PGCKA1: variants seen among roughly 807,000 people sequenced by gnomAD.
PGCKA1 encodes the protein PDCD10 and GCKIII kinases-associated protein 1.
At chr4:37,592,536 C>T in the PGCKA1 span, among the ~76,000 whole-genome samples, 4 of 152,178 alleles carry the variant, frequency 2.6e-5, no homozygotes, top group Admixed American at 2.6e-4. Context: ...TTCACTGAAA[C>T]AAGGACAACC....
At chr4:37,495,217 A>T in the PGCKA1 span, among the ~76,000 whole-genome samples, 1 of 152,014 alleles carries the variant, frequency 6.6e-6, no homozygotes, top group Non-Finnish European at 1.5e-5. Context: ...GATCATTCTT[A>T]AAAAGTCAGG....
At chr4:37,460,140 T>G in the PGCKA1 span, among the ~76,000 whole-genome samples, 6 of 152,326 alleles carry the variant, frequency 3.9e-5, no homozygotes, top group Non-Finnish European at 7.3e-5. Context: ...TCCAGCATTA[T>G]CCATGTCCCT....
chr4:37,581,574 G>A, the PGCKA1 span, among the ~76,000 whole-genome samples: 1 of 151,844 alleles, frequency 6.6e-6, no homozygotes, highest in South Asian at 2.1e-4. This position sits in a 1 kb window ranked among gnomAD's most constrained non-coding sequence, Gnocchi z 4.4. Flanking sequence ...TCATGACTCT[G>A]CCTGGTGCCC....
the PGCKA1 span, chr4:37,590,442 T>G: frequency 6.2e-7 from 1 of 1,610,988 alleles, no homozygotes. Context: ...CTGCAAATAC[T>G]GTTCCCCCAA....
chr4:37,580,750 A>ACTAG, the PGCKA1 span, among the ~76,000 whole-genome samples: 2 of 152,164 alleles, frequency 1.3e-5, no homozygotes. Context: ...CTCTGTAACC[A>ACTAG]CTAGCTAGCT....
chr4:37,455,249 G>A, the PGCKA1 span, among the ~76,000 whole-genome samples: 1 of 152,196 alleles, frequency 6.6e-6, no homozygotes, highest in Non-Finnish European at 1.5e-5. Flanking sequence ...GGATAAGACA[G>A]ATGTTAAAGA....
At chr4:37,549,812 C>T in the PGCKA1 span, among the ~76,000 whole-genome samples, 2 of 152,002 alleles carry the variant, frequency 1.3e-5, no homozygotes, top group Non-Finnish European at 2.9e-5. Context: ...GGAGCAGCTT[C>T]GCCAACCCCT....
the PGCKA1 span, among the ~76,000 whole-genome samples, chr4:37,540,247 T>C: frequency 6.6e-6 from 1 of 152,220 alleles, no homozygotes; most frequent in Admixed American, 6.5e-5. Context: ...AGTGTATAAA[T>C]CACATTATGT....
the PGCKA1 span, among the ~76,000 whole-genome samples, chr4:37,587,034 C>T: frequency 6.6e-6 from 1 of 151,938 alleles, no homozygotes; most frequent in Admixed American, 6.5e-5. Flanking sequence ...CAAGGTGTCA[C>T]CGGGGCCACA....
chr4:37,593,309 G>A, the PGCKA1 span, among the ~76,000 whole-genome samples: 1 of 152,102 alleles, frequency 6.6e-6, no homozygotes, highest in Non-Finnish European at 1.5e-5. Context: ...CAGGGTGGTA[G>A]AGAATGTATC....
chr4:37,590,872 C>T, the PGCKA1 span: 1 of 1,614,168 alleles, frequency 6.2e-7, no homozygotes, highest in Non-Finnish European at 8.5e-7. Context: ...AGGAAACAGG[C>T]AGGAGGATAC....
the PGCKA1 span, among the ~76,000 whole-genome samples, chr4:37,549,489 A>G: frequency 6.6e-6 from 1 of 152,248 alleles, no homozygotes; most frequent in African/African-American, 2.4e-5. Flanking sequence ...CCCTGTTAGC[A>G]CAAGAAGCAG....
chr4:37,482,977 G>T, the PGCKA1 span, among the ~76,000 whole-genome samples: 2 of 152,142 alleles, frequency 1.3e-5, no homozygotes, highest in Non-Finnish European at 2.9e-5. Flanking sequence ...GGGGAAGAAT[G>T]ATATGGTTTG....
chr4:37,509,967 GGGAGACC>G, the PGCKA1 span, among the ~76,000 whole-genome samples: 3 of 134,244 alleles, frequency 2.2e-5, no homozygotes, highest in Non-Finnish European at 5.2e-5. Flanking sequence ...GAGAGGGAGC[GGGAGACC>G]GTGGGAGAGG....
chr4:37,502,865 C>A, the PGCKA1 span, among the ~76,000 whole-genome samples: 1 of 152,004 alleles, frequency 6.6e-6, no homozygotes, highest in East Asian at 1.9e-4. Context: ...GTATTGCAAG[C>A]AGTTATGGCC....
the PGCKA1 span, among the ~76,000 whole-genome samples, chr4:37,487,654 C>G: frequency 6.6e-6 from 1 of 152,236 alleles, no homozygotes; most frequent in South Asian, 2.1e-4. Flanking sequence ...ATCCTTGTCC[C>G]CAGCCCCATG....
chr4:37,513,058 C>T, the PGCKA1 span, among the ~76,000 whole-genome samples: 2 of 147,524 alleles, frequency 1.4e-5, no homozygotes, highest in African/African-American at 5.1e-5. Flanking sequence ...AATTGCACTC[C>T]AGCCTGGGCA....
the PGCKA1 span, among the ~76,000 whole-genome samples, chr4:37,534,879 G>A: frequency 9.3e-3 from 1,420 of 152,284 alleles, 16 homozygotes; most frequent in Admixed American, 0.032. Flanking sequence ...TAGTGTTCAG[G>A]CCATAGCAAC....
At chr4:37,587,332 A>G in the PGCKA1 span, among the ~76,000 whole-genome samples, 2 of 152,138 alleles carry the variant, frequency 1.3e-5, no homozygotes, top group African/African-American at 4.8e-5. Context: ...GTGGCATATA[A>G]GGTATTATTT....
Sources: gnomAD v4.1 joint callset for allele counts (sites outside exome capture counted in the v4.1 genomes callset) on GRCh38, gnomAD v4.1.1 for gene constraint, Gnocchi (gnomAD v3.1) non-coding constraint, MANE v1.5 for transcripts, NCBI Gene and HGNC (gene_info 2026-07-23, HGNC 2026-07-21) for gene names.